The following PTPRN2 variants were observed in gnomAD, a reference collection of about 807,000 sequenced individuals.
PTPRN2 encodes receptor-type tyrosine-protein phosphatase N2.
A neutral mutation model predicts 118.8 loss-of-function variants in PTPRN2; 74 were observed. The ratio of observed to expected loss-of-function variants is 0.62; its 90% CI spans 0.52 to 0.76. The LOEUF (loss-of-function observed/expected upper bound fraction) is 0.76. Ranked by LOEUF, PTPRN2 falls within the 30% of genes least tolerant of loss-of-function variation. The probability of loss-of-function intolerance (pLI) is 0.00; values close to 1 mark genes in which losing one functional copy is unlikely to be tolerated. For synonymous variants in PTPRN2, 641 were observed against 608.0 expected (o/e 1.05, Z -0.80); for missense variants, 1,481 against 1,394.4 (o/e 1.06, Z -0.99).
In PTPRN2 at chr7:157,762,295, G is replaced by A. The variant is rs554740702; in HGVS notation, c.1789-79358C>T. On this transcript the variant is annotated intron_variant, in intron 12 of 22. Coordinates refer to ENST00000389418, the MANE Select transcript of PTPRN2 (RefSeq NM_002847.5). ...TGCTGCTATAAAGACACATGCACACGTATGTTTATTGCAGCATTATTCACG... is the reference window on the plus strand; with the variant it reads ...TGCTGCTATAAAGACACATGCACACATATGTTTATTGCAGCATTATTCACG... 2.1e-3 allele frequency among the ~76,000 whole-genome samples: 320 copies of A among 152,118 alleles called. 2 individuals are homozygous for A. Among genetic ancestry groups the A allele is most frequent in the Middle Eastern group, 0.014 (4 of 294 alleles).
intron 22 of PTPRN2, among the ~76,000 whole-genome samples, chr7:157,548,700 G>C (rs993671884): frequency 2.6e-5 from 4 of 152,194 alleles, no homozygotes; most frequent in African/African-American, 9.7e-5. Flanking sequence ...GAAAGAGCCA[G>C]TGGATCGAGT....
intron 11 of PTPRN2, among the ~76,000 whole-genome samples, chr7:158,025,771 T>C (rs1807217459): frequency 6.6e-6 from 1 of 152,196 alleles, no homozygotes; most frequent in African/African-American, 2.4e-5. Context: ...TGTGCAGTAA[T>C]TGACACAAGA....
At position 158,438,522 on chromosome 7, in the gene PTPRN2, G is replaced by A. The variant is rs116831692; in HGVS notation, c.163+51213C>T. 0.018 allele frequency among the ~76,000 whole-genome samples: 2,779 copies of A among 152,148 alleles called. 68 individuals are homozygous for A. Among genetic ancestry groups the A allele is most frequent in the African/African-American group, 0.063 (2,624 of 41,494 alleles). Reference sequence around the variant, plus strand: ...GGCCTCTCAAATCCCGGTTGCCTCCGCAGCTCCCCAAAGCAGGCATTCTGT... The same window carrying A: ...GGCCTCTCAAATCCCGGTTGCCTCCACAGCTCCCCAAAGCAGGCATTCTGT... On this transcript the variant is annotated intron_variant, in intron 2 of 22. Transcript: ENST00000389418. The surrounding 1 kb of genome is among the most constrained non-coding windows in gnomAD (Gnocchi z 4.7).
intron 12 of PTPRN2, among the ~76,000 whole-genome samples, chr7:157,860,830 C>T (rs918264406): frequency 4.6e-5 from 7 of 152,260 alleles, no homozygotes; most frequent in East Asian, 1.9e-4. Flanking sequence ...AGGCCACTGA[C>T]GGCCGGGGCT....
At chr7:158,382,771 G>A (rs1485834333) in intron 2 of PTPRN2, among the ~76,000 whole-genome samples, 1 of 152,204 alleles carries the variant, frequency 6.6e-6, no homozygotes, top group Non-Finnish European at 1.5e-5. Context: ...GTGCTGGGGA[G>A]CAGCTGCAAA....
Position 157,780,272 on chromosome 7 carries a change from G to A in PTPRN2, c.1789-97335C>T, listed in dbSNP as rs1803594809. 1.3e-5 allele frequency among the ~76,000 whole-genome samples: 2 copies of A among 152,186 alleles called. No individual in the cohort carries two copies. Among genetic ancestry groups the A allele is most frequent in the South Asian group, 4.1e-4 (2 of 4,822 alleles). On this transcript the variant is annotated intron_variant, in intron 12 of 22. Transcript: ENST00000389418. The surrounding 1 kb of genome is among the most constrained non-coding windows in gnomAD (Gnocchi z 4.5). ...TCGCTCCCCTTGCTCCTTACACACGGCCTTCCCACTCCCAGCTAACACCTG... is the reference window on the plus strand; with the variant it reads ...TCGCTCCCCTTGCTCCTTACACACGACCTTCCCACTCCCAGCTAACACCTG...
At chr7:158,389,390 T>C (rs1014203329) in intron 2 of PTPRN2, among the ~76,000 whole-genome samples, 1 of 152,240 alleles carries the variant, frequency 6.6e-6, no homozygotes, top group Non-Finnish European at 1.5e-5. Context: ...AAATGCAAGT[T>C]CATTAGAAAA....
intron 11 of PTPRN2, among the ~76,000 whole-genome samples, chr7:158,044,997 A>T (rs1808741634): frequency 6.6e-6 from 1 of 152,232 alleles, no homozygotes; most frequent in South Asian, 2.1e-4. Context: ...GTCAATAACC[A>T]CTGCTCGGTT....
rs571557988 is a variant in PTPRN2 at position 158,356,662 on chromosome 7, C to A, written c.164-39730G>T. 7.2e-5 allele frequency among the ~76,000 whole-genome samples: 11 copies of A among 152,096 alleles called. 1 individual carries two copies. In the East Asian group the frequency reaches 1.4e-3, roughly 19 times the overall value. Reference sequence around the variant, plus strand: ...ACCACCATCCAGGCACCATGCTGAGCGCTGTGCGTAAAGAAAATACAAAGA... The same window carrying A: ...ACCACCATCCAGGCACCATGCTGAGAGCTGTGCGTAAAGAAAATACAAAGA... On this transcript the variant is annotated intron_variant, in intron 2 of 22. Coordinates refer to ENST00000389418, the MANE Select transcript of PTPRN2 (RefSeq NM_002847.5).
At chr7:157,685,432 C>A (rs960421497) in intron 12 of PTPRN2, among the ~76,000 whole-genome samples, 1 of 152,036 alleles carries the variant, frequency 6.6e-6, no homozygotes, top group African/African-American at 2.4e-5. Context: ...GCAGTGGCAC[C>A]CAGGCTGTGC....
chr7:158,401,288 C>T (rs73178217), intron 2 of PTPRN2, among the ~76,000 whole-genome samples: 3,496 of 152,344 alleles, frequency 0.023, 78 homozygotes, highest in Middle Eastern at 0.037. Flanking sequence ...TTTTACTGGG[C>T]TTCTTCCTCT....
chr7:158,267,259 A>ATGGGTGC (rs1797947238), intron 3 of PTPRN2, among the ~76,000 whole-genome samples: 1 of 152,192 alleles, frequency 6.6e-6, no homozygotes, highest in Admixed American at 6.5e-5. Flanking sequence ...ACACGGGATG[A>ATGGGTGC]TGGGTGCTGG....
At position 158,180,878 on chromosome 7, in the gene PTPRN2, T is replaced by C. The variant is rs528031119; in HGVS notation, c.549+11449A>G. On this transcript the variant is annotated intron_variant, in intron 5 of 22. Coordinates refer to ENST00000389418, the MANE Select transcript of PTPRN2 (RefSeq NM_002847.5). ...AGGGTTTTGTAGGTATATCATATCA[T>C]TGGCAAACAGCAATAGTTTGACTTC... Among the ~76,000 whole-genome samples the C allele has an allele frequency of 2.0e-5, 3 of 152,298 alleles. No individual in the cohort carries two copies. The East Asian group carries it at 5.8e-4, about 29-fold the overall frequency.
intron 2 of PTPRN2, among the ~76,000 whole-genome samples, chr7:158,443,599 G>C (rs1159622114): frequency 6.6e-6 from 1 of 151,730 alleles, no homozygotes; most frequent in Non-Finnish European, 1.5e-5. Flanking sequence ...GGGGAGCAGC[G>C]TGGAGCAAAT....
chr7:158,543,971 C>T (rs1257590495), intron 1 of PTPRN2, among the ~76,000 whole-genome samples: 1 of 152,238 alleles, frequency 6.6e-6, no homozygotes, highest in African/African-American at 2.4e-5. Context: ...ATTCCTCCCT[C>T]CAAAGGGTCC....
At chr7:158,238,102 C>T (rs1004928148) in intron 3 of PTPRN2, among the ~76,000 whole-genome samples, 4 of 152,144 alleles carry the variant, frequency 2.6e-5, no homozygotes, top group East Asian at 3.9e-4. Flanking sequence ...ACGTCCGCCC[C>T]GTCCTGCCTC....
intron 4 of PTPRN2, among the ~76,000 whole-genome samples, chr7:158,201,212 G>A (rs985434890): frequency 6.6e-5 from 10 of 152,084 alleles, no homozygotes; most frequent in Middle Eastern, 3.4e-3. Flanking sequence ...TAAAGAAAAC[G>A]TACGTTTACA....
intron 21 of PTPRN2, among the ~76,000 whole-genome samples, chr7:157,558,857 A>G (rs1799035037): frequency 6.6e-6 from 1 of 152,186 alleles, no homozygotes; most frequent in African/African-American, 2.4e-5. Context: ...TGGGCTGGGG[A>G]CAGGGCCAGT....
intron 11 of PTPRN2, among the ~76,000 whole-genome samples, chr7:157,969,702 G>A (rs10278127): frequency 0.46 from 69,512 of 151,416 alleles, 16,100 homozygotes; most frequent in East Asian, 0.57. Flanking sequence ...AGAAACCTTG[G>A]GCACCTGGGA....
Sources: gnomAD v4.1 joint callset for allele counts (sites outside exome capture counted in the v4.1 genomes callset) on GRCh38, gnomAD v4.1.1 for gene constraint, Gnocchi (gnomAD v3.1) non-coding constraint, MANE v1.5 for transcripts, NCBI Gene and HGNC (gene_info 2026-07-23, HGNC 2026-07-21) for gene names.